Variants in SEL1L observed in about 807,000 individuals in gnomAD.
The protein encoded by SEL1L is protein sel-1 homolog 1.
SEL1L carries 52 observed loss-of-function variants against 109.8 expected under a neutral mutation model. The ratio of observed to expected loss-of-function variants is 0.47; its 90% CI spans 0.38 to 0.60. SEL1L has a LOEUF of 0.60. Among genes scored for constraint, SEL1L ranks in the 20% least tolerant of loss-of-function variants. SEL1L has a pLI of 0.00. For synonymous variants in SEL1L, 373 were observed against 339.6 expected, an observed-to-expected ratio of 1.10 and a Z score of -1.08; for missense variants, 749 against 962.2, an observed-to-expected ratio of 0.78 and a Z score of 2.93.
intron 10 of SEL1L, among the ~76,000 whole-genome samples, chr14:81,495,628 A>C (rs756839645): frequency 2.9e-4 from 44 of 151,944 alleles, no homozygotes; most frequent in Non-Finnish European, 3.2e-4. Flanking sequence ...ACAGAGAGAG[A>C]TGTTTTCTCA....
chr14:81,480,753 A>G (rs1241058623), intron 19 of SEL1L, among the ~76,000 whole-genome samples: 1 of 152,162 alleles, frequency 6.6e-6, no homozygotes, highest in Non-Finnish European at 1.5e-5. Flanking sequence ...AGGTACTTGC[A>G]TGGACATGTT....
In SEL1L at chr14:81,530,109, A is replaced by G. The variant is rs78245965; in HGVS notation, c.71-2371T>C. 1.2e-3 allele frequency among the ~76,000 whole-genome samples: 180 copies of G among 152,374 alleles called. No individual in the cohort carries two copies. In the East Asian group the frequency reaches 0.015, roughly 13 times the overall value. ...TGCAAAGTACCAGAGATATGCTTTC[A>G]GGGAAAAGTGATCACTACAAAATCA... On this transcript the variant is annotated intron_variant, in intron 1 of 20. Coordinates refer to ENST00000336735, the MANE Select transcript of SEL1L (RefSeq NM_005065.6).
chr14:81,486,645 T>A (rs1392932650), intron 16 of SEL1L, among the ~76,000 whole-genome samples, 191 bp from the exon 17 acceptor site: 5 of 146,490 alleles, frequency 3.4e-5, no homozygotes, highest in African/African-American at 1.4e-4. Flanking sequence ...GTCAACAGGT[T>A]TATAAAAAAA....
chr14:81,499,493 G>A lies in SEL1L; in HGVS notation c.857C>T (p.Ala286Val). The change falls in exon 8 of 21, where the codon GCT (alanine) becomes GTT (valine). Residue 286 changes from alanine (A) to valine (V), a missense_variant. Ala to Val is a moderately conservative substitution (Grantham distance 64). This residue lies in a region of SEL1L where 366 missense variants were observed against 399.8 expected (regional missense o/e 0.92). Coordinates refer to ENST00000336735, the MANE Select transcript of SEL1L (RefSeq NM_005065.6). Reference protein sequence around the residue: ...AKALVYYTFGALGGNLIAHMV... With the variant: ...AKALVYYTFGVLGGNLIAHMV... ...GTGGGCTATTAGATTGCCCCCAAGA[G>A]CTCCAAATGTATAATATACAAGAGC... The A allele has an allele frequency of 1.2e-6, 2 of 1,612,636 alleles. No individual in the cohort carries two copies. Among genetic ancestry groups the A allele is most frequent in the Non-Finnish European group, 1.7e-6 (2 of 1,179,574 alleles).
rs942986648 is a variant in SEL1L, at chr14:81,487,609, T to C, written c.1484-71A>G. On this transcript the variant is annotated intron_variant, in intron 15 of 20. Transcript: ENST00000336735. The stretch of plus-strand genomic sequence containing the variant: ...AGCTAAGTATCAGAGAAGGCTTATA[T>C]ATGAAGAATAAAACTCTAATGAAAG... 5 of 1,549,244 alleles carry C rather than the reference T, an allele frequency of 3.2e-6. No homozygotes were observed. In the African/African-American group the frequency reaches 7.0e-5, roughly 22 times the overall value.
intron 11 of SEL1L, among the ~76,000 whole-genome samples, chr14:81,494,096 G>C (rs1883646648): frequency 6.6e-6 from 1 of 151,866 alleles, no homozygotes; most frequent in East Asian, 1.9e-4. Context: ...CAGTCTATTC[G>C]ACTACCTCTG....
At chr14:81,494,602 C>T (rs1883668966) in intron 11 of SEL1L, among the ~76,000 whole-genome samples, 2 of 152,150 alleles carry the variant, frequency 1.3e-5, no homozygotes, top group African/African-American at 2.4e-5. Flanking sequence ...TCCTTCCTGT[C>T]TCTGGGCCTA....
chr14:81,477,278 T>C lies in SEL1L; in HGVS notation c.2176-97A>G, dbSNP rs542793479. On this transcript the variant is annotated intron_variant, in intron 20 of 20. Coordinates refer to ENST00000336735, the MANE Select transcript of SEL1L (RefSeq NM_005065.6). ...CCAGAAGTAAGTACAGAAATTAAAA[T>C]AATTTGTTTTAAAAACGTTTTGCAA... 3.0e-5 allele frequency: 30 copies of C among 1,000,762 alleles called. No individual in the cohort carries two copies. The East Asian group carries it at 4.5e-4, about 15-fold the overall frequency. 62.0% of individuals were successfully genotyped at this position (1,000,762 alleles called of 1,614,324 possible).
chr14:81,514,710 G>T (rs533149038), intron 3 of SEL1L, among the ~76,000 whole-genome samples: 6 of 152,116 alleles, frequency 3.9e-5, no homozygotes, highest in African/African-American at 1.4e-4. Flanking sequence ...CCAAAACCGC[G>T]GGCGGTTCTG....
intron 3 of SEL1L, among the ~76,000 whole-genome samples, chr14:81,512,975 G>A (rs1486583020): frequency 6.6e-6 from 1 of 152,188 alleles, no homozygotes; most frequent in Non-Finnish European, 1.5e-5. Context: ...CCCACTGAGA[G>A]GTGAAGCCAG....
chr14:81,510,514 C>CTCTCTCTCTCTCTATATA (rs35474067), intron 3 of SEL1L, among the ~76,000 whole-genome samples: 88 of 104,056 alleles, frequency 8.5e-4, no homozygotes, highest in African/African-American at 1.7e-3. Flanking sequence ...CTCTCTCTCT[C>CTCTCTCTCTCTCTATATA]TATATATATA....
chr14:81,475,915 C>CA lies in SEL1L; in HGVS notation c.*1056dup, dbSNP rs1485070329. 1 of 152,150 alleles carries CA rather than the reference C, an allele frequency of 6.6e-6. No individual in the cohort carries two copies. Among genetic ancestry groups the CA allele is most frequent in the East Asian group, 1.9e-4 (1 of 5,200 alleles). The allele number at this position is 152,150 out of a possible 1,614,324, so 9.4% of individuals were successfully genotyped here. ...CTTTCATCAACCACTGAGTTTAATC[C>CA]ATCTTTGATTCTCTGAGTTTTAGTA... is the stretch of plus-strand genomic sequence containing the variant. On this transcript the variant is annotated 3_prime_UTR_variant, in exon 21 of 21. Coordinates refer to ENST00000336735, the MANE Select transcript of SEL1L (RefSeq NM_005065.6).
intron 15 of SEL1L, 147 bp from the exon 16 acceptor site, chr14:81,487,685 C>T: frequency 6.7e-7 from 1 of 1,503,180 alleles, no homozygotes; most frequent in Non-Finnish European, 8.9e-7. Flanking sequence ...CACACTGATA[C>T]AGATTAATAT....
At chr14:81,496,058 T>C (rs1883734578) in intron 10 of SEL1L, among the ~76,000 whole-genome samples, 1 of 152,206 alleles carries the variant, frequency 6.6e-6, no homozygotes. Context: ...GCGCGGTGCC[T>C]CACGCCTGTA....
At chr14:81,496,167 C>CA (rs1883739263) in intron 10 of SEL1L, among the ~76,000 whole-genome samples, 1 of 151,304 alleles carries the variant, frequency 6.6e-6, no homozygotes, top group Non-Finnish European at 1.5e-5. Context: ...ACTAAAAATA[C>CA]AAAAAAATTA....
chr14:81,487,422 C>T lies in SEL1L; in HGVS notation c.1600G>A (p.Gly534Ser), dbSNP rs568479591. 7.5e-6 allele frequency: 12 copies of T among 1,599,504 alleles called. No homozygotes were observed. Among genetic ancestry groups the T allele is most frequent in the East Asian group, 2.2e-5 (1 of 44,728 alleles). The change falls in exon 16 of 21, where the codon GGC becomes AGC. Residue 534 changes from glycine to serine, a missense_variant. Physicochemically the swap from Gly to Ser is moderately conservative, Grantham distance 56. Around this residue, in one of 2 missense-constraint regions of SEL1L, gnomAD observed 383 missense variants for 562.5 expected, o/e 0.68. Transcript: ENST00000336735. ...GCAGTGTGACATGATCGCATCACGC[C>T]GGTGCCACTGGCATGCATCTGAGCT... ...NLAQMHASGT[G>S]VMRSCHTAVE...
At chr14:81,489,105 G>A (rs917636437) in intron 14 of SEL1L, 147 bp downstream of exon 14, 4 of 722,016 alleles carry the variant, frequency 5.5e-6, no homozygotes, top group Admixed American at 2.4e-5. Context: ...GGGTGGTAGT[G>A]AGACAAACTC....
intron 5 of SEL1L, among the ~76,000 whole-genome samples, chr14:81,503,153 T>C (rs1884084120): frequency 6.6e-6 from 1 of 151,866 alleles, no homozygotes; most frequent in Non-Finnish European, 1.5e-5. Context: ...CCACCGTGCC[T>C]GGCTAATTTT....
At chr14:81,516,472 T>C (rs1884706047) in intron 3 of SEL1L, among the ~76,000 whole-genome samples, 1 of 152,216 alleles carries the variant, frequency 6.6e-6, no homozygotes, top group African/African-American at 2.4e-5. Flanking sequence ...TAGCCAAAGC[T>C]GGAGCTATTA....
Sources: gnomAD v4.1 joint callset for allele counts (sites outside exome capture counted in the v4.1 genomes callset) on GRCh38, gnomAD v4.1.1 for gene constraint, gnomAD v4.1.1 regional missense constraint, MANE v1.5 for transcripts, NCBI Gene and HGNC (gene_info 2026-07-23, HGNC 2026-07-21) for gene names.